The following ADAM17 variants were observed in gnomAD, a reference collection of about 807,000 sequenced individuals.
ADAM17 encodes disintegrin and metalloproteinase domain-containing protein 17.
Under a neutral mutation model 96.7 loss-of-function variants are expected in ADAM17, and 39 were observed. That is an observed-to-expected ratio of 0.40 (90% CI 0.31 to 0.53). The LOEUF is 0.53. Among genes scored for constraint, ADAM17 ranks in the 20% least tolerant of loss-of-function variants. The pLI, the probability that ADAM17 is intolerant of heterozygous loss-of-function variation, is 0.44. For missense variants in ADAM17, 777 were observed against 1,013.2 expected (o/e 0.77, Z 3.17); for synonymous variants, 344 against 359.2 (o/e 0.96, Z 0.48).
rs776034976 is a variant in ADAM17, at chr2:9,527,838, C to T, written c.567G>A (p.Val189=). 3 of 1,605,220 alleles carry T rather than the reference C, an allele frequency of 1.9e-6. No homozygotes were observed. The highest frequency in any genetic ancestry group is 3.4e-5 in the Admixed American group (2 of 58,212). Residue 189 remains valine, a synonymous_variant, in exon 5 of 19, where the codon GTG becomes GTA. Transcript: ENST00000310823. ...QSPKVCGYLK[V]DNEELLPKGL... is the part of the protein sequence containing the mutation. Reference sequence around the variant, plus strand: ...CTTTTGGGAGCAACTCTTCATTATCCACTTTTAAATAACCACACACTTTTG... The same window carrying T: ...CTTTTGGGAGCAACTCTTCATTATCTACTTTTAAATAACCACACACTTTTG...
intron 10 of ADAM17, among the ~76,000 whole-genome samples, chr2:9,517,126 ACCT>A (rs1664096189): frequency 6.6e-6 from 1 of 152,314 alleles, no homozygotes; most frequent in Admixed American, 6.5e-5. Context: ...CACTGAGGGT[ACCT>A]CTGAGTTGCT....
At chr2:9,517,798 C>T in intron 10 of ADAM17, 103 bp downstream of exon 10, 2 of 665,092 alleles carry the variant, frequency 3.0e-6, no homozygotes, top group Non-Finnish European at 4.5e-6. Flanking sequence ...ATTTAAAAAA[C>T]AGTATATATT....
chr2:9,555,405 C>T (rs1665711168), intron 1 of ADAM17, 104 bp downstream of exon 1: 2 of 977,604 alleles, frequency 2.0e-6, no homozygotes, highest in South Asian at 1.8e-5. Flanking sequence ...GCGCCACCAT[C>T]GCCAATACCC....
At chr2:9,543,728 G>A (rs1434396984) in intron 1 of ADAM17, among the ~76,000 whole-genome samples, 1 of 152,186 alleles carries the variant, frequency 6.6e-6, no homozygotes, top group Non-Finnish European at 1.5e-5. Flanking sequence ...TGGATCTCGT[G>A]GAGGTAGACA....
At chr2:9,517,333 T>A (rs988660517) in intron 10 of ADAM17, among the ~76,000 whole-genome samples, 1 of 152,132 alleles carries the variant, frequency 6.6e-6, no homozygotes, top group Non-Finnish European at 1.5e-5. Context: ...GAACTCAAAA[T>A]GACTTCAGAT....
chr2:9,493,344 A>T (rs978069325), intron 16 of ADAM17, among the ~76,000 whole-genome samples: 1 of 152,238 alleles, frequency 6.6e-6, no homozygotes. Context: ...ACTCGTGACA[A>T]CATGATATAC....
Position 9,503,121 on chromosome 2 carries a change from CA to C in ADAM17, c.1545-846del, listed in dbSNP as rs1442533959. Among the ~76,000 whole-genome samples the C allele has an allele frequency of 6.3e-5, 8 of 126,498 alleles. 1 individual carries two copies. The South Asian group carries it at 1.4e-3, about 23-fold the overall frequency. The allele number at this position is 126,498 out of a possible 152,430, so 83.0% of individuals were successfully genotyped here. On this transcript the variant is annotated intron_variant, in intron 12 of 18. Transcript: ENST00000310823. ...CGCCACTGCACTCCAGCCTGGTCAA[CA>C]GGGCGAGACTCTCTCAAAAAAAAAA...
rs1662576111 is a variant in ADAM17 at position 9,496,117 on chromosome 2, T to C, written c.1783+997A>G. Among the ~76,000 whole-genome samples, 3 of 152,038 alleles carry C rather than the reference T, an allele frequency of 2.0e-5. 1 individual carries two copies. In the South Asian group the frequency reaches 6.2e-4, roughly 31 times the overall value. On this transcript the variant is annotated intron_variant, in intron 14 of 18. Coordinates refer to ENST00000310823, the MANE Select transcript of ADAM17 (RefSeq NM_003183.6). Reference sequence around the variant, plus strand: ...ACCGGGTTCTTTGTCTTTTATTTATTTTATTTTTTACTTATTTATTTATTT... The same window carrying C: ...ACCGGGTTCTTTGTCTTTTATTTATCTTATTTTTTACTTATTTATTTATTT...
intron 4 of ADAM17, among the ~76,000 whole-genome samples, chr2:9,532,186 G>A (rs1664772183): frequency 1.3e-5 from 2 of 152,152 alleles, no homozygotes; most frequent in African/African-American, 4.8e-5. Flanking sequence ...TAAGATATTA[G>A]TGCAGATAGA....
chr2:9,504,714 A>G lies in ADAM17; in HGVS notation c.1544+452T>C, dbSNP rs113972798. Among the ~76,000 whole-genome samples the G allele has an allele frequency of 2.2e-3, 327 of 150,668 alleles. 2 individuals carry two copies. The highest frequency in any genetic ancestry group is 7.4e-3 in the African/African-American group (302 of 40,936). ...GAGACAAAGATTGCAGTAAGCCAAGATCGCGCCACTGCACTCCAGCCTGGC... is the reference window on the plus strand; with the variant it reads ...GAGACAAAGATTGCAGTAAGCCAAGGTCGCGCCACTGCACTCCAGCCTGGC... On this transcript the variant is annotated intron_variant, in intron 12 of 18. Coordinates refer to ENST00000310823, the MANE Select transcript of ADAM17 (RefSeq NM_003183.6).
chr2:9,514,908 A>G (rs911631319), intron 10 of ADAM17, among the ~76,000 whole-genome samples: 1 of 152,118 alleles, frequency 6.6e-6, no homozygotes, highest in Non-Finnish European at 1.5e-5. Flanking sequence ...TAAGTTGCTC[A>G]GGCTGGAATG....
At chr2:9,535,694 A>C in intron 4 of ADAM17, 140 bp downstream of exon 4, 1 of 479,832 alleles carries the variant, frequency 2.1e-6, no homozygotes, top group Non-Finnish European at 3.6e-6. Flanking sequence ...CTTTTTTAAA[A>C]AGTCTACTTT....
rs754730403 is a variant in ADAM17, at chr2:9,490,356, G to C, written c.2296C>G (p.Pro766Ala). The part of the protein sequence containing the change: ...HQRMDTIQED[P>A]STDSHMDEDG... Reference sequence around the variant, plus strand: ...TCGTCCATATGTGAGTCTGTGCTGGGGTCTTCCTGGATGGTGTCCATTCTC... The same window carrying C: ...TCGTCCATATGTGAGTCTGTGCTGGCGTCTTCCTGGATGGTGTCCATTCTC... Residue 766 changes from proline (P) to alanine (A), a missense_variant, in exon 19 of 19, where the codon CCC becomes GCC. Around this residue, in one of 3 missense-constraint regions of ADAM17, gnomAD observed 197 missense variants for 219.4 expected, o/e 0.90. Transcript: ENST00000310823. 3 of 1,614,118 alleles carry C rather than the reference G, an allele frequency of 1.9e-6. No homozygotes were observed. Among genetic ancestry groups the C allele is most frequent in the Admixed American group, 3.3e-5 (2 of 60,010 alleles).
intron 7 of ADAM17, chr2:9,521,604 G>A (rs1664311728): frequency 1.8e-5 from 3 of 167,106 alleles, no homozygotes; most frequent in Non-Finnish European, 2.6e-5. Flanking sequence ...GGTTACAGGA[G>A]CCTAAAATAT....
chr2:9,506,533 A>G (rs1250887698), intron 11 of ADAM17, among the ~76,000 whole-genome samples: 1 of 151,686 alleles, frequency 6.6e-6, no homozygotes, highest in Non-Finnish European at 1.5e-5. Context: ...CGCCCAGCTA[A>G]TTTTTGTATT....
intron 1 of ADAM17, among the ~76,000 whole-genome samples, chr2:9,552,525 T>C (rs1665617312): frequency 6.6e-6 from 1 of 152,186 alleles, no homozygotes; most frequent in Admixed American, 6.5e-5. Context: ...GTGCTGTCAA[T>C]AATGAAATCA....
chr2:9,527,658 C>T lies in ADAM17; in HGVS notation c.619+128G>A, dbSNP rs756359116. On this transcript the variant is annotated intron_variant, in intron 5 of 18. Transcript: ENST00000310823. ...AGATGAAAATTTCTGGAACAAACCT[C>T]TTATTTTCATGCCAAATACTATAGT... The T allele has an allele frequency of 4.8e-5, 30 of 618,564 alleles. 1 individual carries two copies. In the Middle Eastern group the frequency reaches 1.2e-3, roughly 25 times the overall value. 38.3% of individuals were successfully genotyped at this position (618,564 alleles called of 1,614,324 possible).
intron 1 of ADAM17, among the ~76,000 whole-genome samples, chr2:9,550,641 C>A (rs936612486): frequency 1.3e-5 from 2 of 151,588 alleles, no homozygotes; most frequent in African/African-American, 4.8e-5. Flanking sequence ...AGACAGGTTT[C>A]ACCATGTTGG....
At chr2:9,551,788 C>T (rs1033095134) in intron 1 of ADAM17, among the ~76,000 whole-genome samples, 4 of 152,002 alleles carry the variant, frequency 2.6e-5, no homozygotes, top group African/African-American at 4.8e-5. Flanking sequence ...ACTTTTTTTG[C>T]ATGAAAAAAA....
Sources: allele counts gnomAD v4.1 joint callset (sites outside exome capture counted in the v4.1 genomes callset), GRCh38; gene constraint gnomAD v4.1.1; regional missense constraint gnomAD v4.1.1; transcripts MANE v1.5; gene names NCBI Gene and HGNC (gene_info 2026-07-23, HGNC 2026-07-21).